SPECC1: variants seen among roughly 807,000 people sequenced by gnomAD.
SPECC1 encodes the protein sperm antigen with calponin homology and coiled-coil domains 1.
SPECC1 carries 62 observed loss-of-function variants against 104.1 expected under a neutral mutation model. That is an observed-to-expected ratio of 0.60 (90% CI 0.49 to 0.74). The LOEUF (loss-of-function observed/expected upper bound fraction) is 0.74, where lower values mean the gene tolerates loss of function less well. SPECC1 is among the 30% of genes least tolerant of loss of function. The pLI is 0.00. For missense variants in SPECC1, 1,306 were observed against 1,310.5 expected (o/e 1.00, Z 0.05); for synonymous variants, 513 against 501.6 (o/e 1.02, Z -0.30).
intron 2 of SPECC1, among the ~76,000 whole-genome samples, chr17:20,105,150 T>A (rs2048137031): frequency 6.6e-6 from 1 of 151,656 alleles, no homozygotes; most frequent in Non-Finnish European, 1.5e-5. Flanking sequence ...CATACTGGAG[T>A]GCAGTGGTGC....
At chr17:20,147,776 C>T (rs1270665911) in intron 3 of SPECC1, among the ~76,000 whole-genome samples, 1 of 152,172 alleles carries the variant, frequency 6.6e-6, no homozygotes, top group Non-Finnish European at 1.5e-5. Flanking sequence ...ATGGCTCATG[C>T]TATAATCCCA....
At chr17:20,282,965 C>A (rs1340257579) in intron 12 of SPECC1, among the ~76,000 whole-genome samples, 1 of 151,962 alleles carries the variant, frequency 6.6e-6, no homozygotes, top group Non-Finnish European at 1.5e-5. Flanking sequence ...GATTGCTTGA[C>A]CTCGGGAGTT....
chr17:20,029,445 G>A (rs1056936097), intron 1 of SPECC1, among the ~76,000 whole-genome samples: 8 of 152,068 alleles, frequency 5.3e-5, no homozygotes, highest in African/African-American at 1.9e-4. Flanking sequence ...AGATCGTATC[G>A]CCTGTAAATA....
At chr17:20,238,605 C>T (rs1020960453) in intron 7 of SPECC1, 17 of 1,041,546 alleles carry the variant, frequency 1.6e-5, no homozygotes, top group East Asian at 1.2e-4. Context: ...ATTAGCTTGG[C>T]GTGAGAAGAG....
chr17:20,305,914 G>T, intron 13 of SPECC1, 109 bp from the exon 14 acceptor site: 4 of 925,556 alleles, frequency 4.3e-6, no homozygotes, highest in Non-Finnish European at 6.5e-6. Flanking sequence ...ACTATTCTTC[G>T]CTTTATAATA....
intron 3 of SPECC1, among the ~76,000 whole-genome samples, chr17:20,182,334 G>T (rs1041304043): frequency 2.8e-4 from 43 of 152,112 alleles, no homozygotes; most frequent in African/African-American, 2.4e-5. Flanking sequence ...CAGGCTAGCA[G>T]CAAACTCTTG....
intron 1 of SPECC1, among the ~76,000 whole-genome samples, chr17:20,038,016 G>T (rs754957403): frequency 3.0e-4 from 46 of 152,050 alleles, no homozygotes; most frequent in Non-Finnish European, 6.3e-4. Context: ...TCAGTAATTA[G>T]TCCATTTCAT....
chr17:20,214,580 G>A (rs12942568), intron 4 of SPECC1, among the ~76,000 whole-genome samples: 3 of 151,892 alleles, frequency 2.0e-5, no homozygotes, highest in Admixed American at 1.3e-4. Flanking sequence ...ATCTCTTCAC[G>A]CACTGCAGCC....
Position 20,317,886 on chromosome 17 carries a change from G to A in SPECC1, c.*3821G>A. ...AAGCCATCCGCTGGCGTGTGGAGGTGCAGGACCTGGGGGAGGCAGTCCCCA... is the reference window on the plus strand; with the variant it reads ...AAGCCATCCGCTGGCGTGTGGAGGTACAGGACCTGGGGGAGGCAGTCCCCA... On this transcript the variant is annotated 3_prime_UTR_variant, in exon 15 of 15. Transcript: ENST00000395527. 1 of 226,364 alleles carries A rather than the reference G, an allele frequency of 4.4e-6. No homozygotes were observed. The highest frequency in any genetic ancestry group is 8.8e-6 in the Non-Finnish European group (1 of 113,780). The allele number at this position is 226,364 out of a possible 1,614,324, so 14.0% of individuals were successfully genotyped here. A position where few individuals can be genotyped will look rare whatever the true frequency, so the allele number is the denominator to read the frequency against.
rs1027503615 is a variant in SPECC1 at position 20,307,377 on chromosome 17, T to C, written c.3117+1295T>C. Among the ~76,000 whole-genome samples, 3 of 152,332 alleles carry C rather than the reference T, an allele frequency of 2.0e-5. No homozygotes were observed. The South Asian group carries it at 6.2e-4, about 32-fold the overall frequency. ...TAATCTGTTCCTTTTGTCCCCATGC[T>C]TGTTCTTTGTGGTTGAAGGTGGCTG... On this transcript the variant is annotated intron_variant, in intron 14 of 14. Coordinates refer to ENST00000395527, the MANE Select transcript of SPECC1 (RefSeq NM_001243439.2).
chr17:20,057,198 T>G (rs1567816827), intron 1 of SPECC1, among the ~76,000 whole-genome samples: 1 of 152,064 alleles, frequency 6.6e-6, no homozygotes, highest in Non-Finnish European at 1.5e-5. Context: ...TCCCAGCACT[T>G]TGGGAGGCCG....
intron 1 of SPECC1, among the ~76,000 whole-genome samples, chr17:20,058,647 A>C (rs2046059053): frequency 6.6e-6 from 1 of 152,110 alleles, no homozygotes. Flanking sequence ...CAACAAAGTG[A>C]GACCGTGTAT....
At chr17:20,066,022 C>G (rs1054746207) in intron 1 of SPECC1, among the ~76,000 whole-genome samples, 4 of 152,182 alleles carry the variant, frequency 2.6e-5, no homozygotes, top group Non-Finnish European at 4.4e-5. Flanking sequence ...CTATATCTAT[C>G]TATCAGTCAA....
chr17:20,073,460 T>C (rs2046638799), intron 1 of SPECC1: 1 of 152,102 alleles, frequency 6.6e-6, no homozygotes, highest in African/African-American at 2.4e-5. Flanking sequence ...CATGTATGCA[T>C]GTAAGAAAGA....
At position 20,232,189 on chromosome 17, in the gene SPECC1, G is replaced by C. The variant is rs1248110984; in HGVS notation, c.2146-11G>C. 6.2e-7 allele frequency: 1 copy of C among 1,613,604 alleles called. No homozygotes were observed. The highest frequency in any genetic ancestry group is 8.5e-7 in the Non-Finnish European group (1 of 1,180,046). ...GGCGTCTGACATAAGGATGGGCTCT[G>C]ACATTTTCAGGAGGAGACCGAGGAA... On this transcript the variant is annotated splice_polypyrimidine_tract_variant and intron_variant, in intron 6 of 14. Coordinates refer to ENST00000395527, the MANE Select transcript of SPECC1 (RefSeq NM_001243439.2).
chr17:20,226,561 T>A (rs1210111781), intron 4 of SPECC1, among the ~76,000 whole-genome samples: 1 of 152,212 alleles, frequency 6.6e-6, no homozygotes, highest in Non-Finnish European at 1.5e-5. Flanking sequence ...AGATTGAGGT[T>A]TTAAAAAATT....
At chr17:20,019,452 C>T (rs1399160042) in intron 1 of SPECC1, among the ~76,000 whole-genome samples, 1 of 151,944 alleles carries the variant, frequency 6.6e-6, no homozygotes, top group Non-Finnish European at 1.5e-5. Flanking sequence ...GAGAACATTT[C>T]CTGATGTTGG....
chr17:20,161,172 C>T (rs2033111641), intron 3 of SPECC1, among the ~76,000 whole-genome samples: 1 of 152,188 alleles, frequency 6.6e-6, no homozygotes. Flanking sequence ...GATCGCGCTA[C>T]TGCATTCCAA....
intron 1 of SPECC1, among the ~76,000 whole-genome samples, chr17:20,065,019 A>G (rs773829897): frequency 4.6e-5 from 7 of 152,216 alleles, no homozygotes; most frequent in East Asian, 1.9e-4. Flanking sequence ...AAGAAGAGCA[A>G]TGTATTTCTA....
Sources: gnomAD v4.1 joint callset for allele counts (sites outside exome capture counted in the v4.1 genomes callset) on GRCh38, gnomAD v4.1.1 for gene constraint, MANE v1.5 for transcripts, NCBI Gene and HGNC (gene_info 2026-07-23, HGNC 2026-07-21) for gene names.